CALN1: variants seen among roughly 807,000 people sequenced by gnomAD.
CALN1 encodes calneuron 1, also known as calcium-binding protein 8.
In CALN1, 17 loss-of-function variants were observed where a neutral mutation model predicts 30.6. That is an observed-to-expected ratio of 0.56 (90% CI 0.38 to 0.83). CALN1 has a LOEUF of 0.83. CALN1 is among the 40% of genes least tolerant of loss of function. CALN1 has a pLI of 0.00. For missense variants in CALN1, 291 were observed against 354.9 expected, an observed-to-expected ratio of 0.82 and a Z score of 1.45; for synonymous variants, 156 against 131.4, an observed-to-expected ratio of 1.19 and a Z score of -1.28.
chr7:72,128,055 T>C (rs1036864553), intron 3 of CALN1, among the ~76,000 whole-genome samples: 1 of 152,178 alleles, frequency 6.6e-6, no homozygotes, highest in African/African-American at 2.4e-5. Context: ...TCTTTGGGTA[T>C]GTTTGACAAT....
intron 3 of CALN1, among the ~76,000 whole-genome samples, chr7:72,265,528 T>C (rs1422764376): frequency 1.3e-5 from 2 of 152,134 alleles, no homozygotes; most frequent in African/African-American, 2.4e-5. Context: ...ACTCAACAGG[T>C]TAACTCATTT....
chr7:72,470,361 T>C, the CALN1 span, among the ~76,000 whole-genome samples: 4 of 152,014 alleles, frequency 2.6e-5, no homozygotes, highest in African/African-American at 4.8e-5. Flanking sequence ...CTGGGCAAGA[T>C]AGCAAGACCC....
intron 6 of CALN1, among the ~76,000 whole-genome samples, chr7:71,803,743 G>GGA: frequency 6.6e-6 from 1 of 152,064 alleles, no homozygotes; most frequent in Non-Finnish European, 1.5e-5. Context: ...CCAAAGTGCT[G>GGA]GGTTCCTGCC....
chr7:72,364,959 C>G (rs1041672069), intron 2 of CALN1, among the ~76,000 whole-genome samples: 5 of 151,366 alleles, frequency 3.3e-5, no homozygotes, highest in Non-Finnish European at 7.4e-5. Context: ...CACCTGAGGT[C>G]AGGAGTTTGG....
intron 5 of CALN1, among the ~76,000 whole-genome samples, chr7:71,813,633 T>C (rs1788090091): frequency 6.6e-6 from 1 of 152,012 alleles, no homozygotes; most frequent in Non-Finnish European, 1.5e-5. Flanking sequence ...GTTCCAAACT[T>C]TAAAAGATCT....
At chr7:72,253,817 T>C (rs1052042363) in intron 3 of CALN1, among the ~76,000 whole-genome samples, 2 of 152,204 alleles carry the variant, frequency 1.3e-5, no homozygotes, top group Non-Finnish European at 2.9e-5. Flanking sequence ...CCCAGCTCAC[T>C]GCAACCTCCG....
chr7:72,220,997 T>TG (rs35699877), intron 3 of CALN1, among the ~76,000 whole-genome samples: 30,015 of 152,088 alleles, frequency 0.2, 3,849 homozygotes, highest in Middle Eastern at 0.33. Flanking sequence ...GTAGGTTGCC[T>TG]GTTCACTCTG....
At chr7:71,963,911 C>T (rs1288405639) in intron 5 of CALN1, among the ~76,000 whole-genome samples, 1 of 152,134 alleles carries the variant, frequency 6.6e-6, no homozygotes, top group African/African-American at 2.4e-5. Context: ...GGATTAGGAC[C>T]TATGAAGTTT....
Position 72,106,151 on chromosome 7 carries a change from C to G in CALN1, c.388G>C (p.Gly130Arg). The change falls in exon 4 of 7, where the codon GGG becomes CGG. Residue 130 changes from glycine to arginine, a missense_variant and splice_region_variant. Around this residue, in one of 2 missense-constraint regions of CALN1, gnomAD observed 169 missense variants for 251.7 expected, o/e 0.67. Coordinates refer to ENST00000395275, the MANE Select transcript of CALN1 (RefSeq NM_031468.4). Reference sequence around the variant, plus strand: ...GAGAAGCTGCTTGTCCGGGTCTTACCGTCCATGTCCAAGCGCTGCATGATG... The same window carrying G: ...GAGAAGCTGCTTGTCCGGGTCTTACGGTCCATGTCCAAGCGCTGCATGATG... The part of the protein sequence containing the change: ...AIIMQRLDMD[G>R]DGQVDFDEFM... 1 of 1,613,318 alleles carries G rather than the reference C, an allele frequency of 6.2e-7. No homozygotes were observed. The highest frequency in any genetic ancestry group is 8.5e-7 in the Non-Finnish European group (1 of 1,179,646).
chr7:71,801,102 T>G (rs144803662), intron 6 of CALN1, among the ~76,000 whole-genome samples: 38 of 152,346 alleles, frequency 2.5e-4, no homozygotes, highest in Middle Eastern at 3.4e-3. Flanking sequence ...CTGAGGATAA[T>G]GGCTTCCAGC....
intron 5 of CALN1, among the ~76,000 whole-genome samples, chr7:71,896,411 G>A (rs549596643): frequency 1.4e-4 from 21 of 152,068 alleles, no homozygotes; most frequent in African/African-American, 4.6e-4. Context: ...TAAAAGATTA[G>A]GTTTCCCAAA....
At chr7:72,307,117 T>C (rs1478304343) in intron 2 of CALN1, among the ~76,000 whole-genome samples, 1 of 152,206 alleles carries the variant, frequency 6.6e-6, no homozygotes, top group Non-Finnish European at 1.5e-5. Flanking sequence ...TTTTGTAATT[T>C]TTTTTAAACT....
intron 4 of CALN1, among the ~76,000 whole-genome samples, chr7:72,090,629 G>A (rs1207613766): frequency 2.6e-5 from 4 of 152,106 alleles, no homozygotes; most frequent in Non-Finnish European, 4.4e-5. Context: ...CTGCACTTTC[G>A]TGTTTACAAC....
At chr7:71,825,384 T>G (rs889878000) in intron 5 of CALN1, among the ~76,000 whole-genome samples, 2 of 152,256 alleles carry the variant, frequency 1.3e-5, no homozygotes, top group South Asian at 2.1e-4. Context: ...TTTATAAGGG[T>G]TTCCCCCTTT....
intron 2 of CALN1, among the ~76,000 whole-genome samples, chr7:72,299,888 TTTGTTTTTTTGTTTG>T (rs967084914): frequency 2.0e-5 from 3 of 151,786 alleles, no homozygotes; most frequent in African/African-American, 7.3e-5. Flanking sequence ...TTTGTTTTGT[TTTGTTTTTTTGTTTG>T]TTGTTTTTTT....
chr7:72,360,082 C>T (rs944215336), intron 2 of CALN1, among the ~76,000 whole-genome samples: 7 of 151,502 alleles, frequency 4.6e-5, no homozygotes, highest in African/African-American at 7.3e-5. Flanking sequence ...GACCTGGCAG[C>T]GAAATAGAAT....
At chr7:71,939,553 A>G (rs1796016427) in intron 5 of CALN1, among the ~76,000 whole-genome samples, 1 of 150,848 alleles carries the variant, frequency 6.6e-6, no homozygotes, top group Admixed American at 6.7e-5. Context: ...AGCCTGGGTT[A>G]TAGAGCAAGA....
At chr7:72,203,686 G>A (rs1322042072) in intron 3 of CALN1, among the ~76,000 whole-genome samples, 2 of 152,130 alleles carry the variant, frequency 1.3e-5, no homozygotes, top group African/African-American at 4.8e-5. Flanking sequence ...GTACACTGCT[G>A]GATGCTGTAC....
intron 2 of CALN1, among the ~76,000 whole-genome samples, chr7:72,315,837 A>C (rs1239646848): frequency 1.3e-5 from 2 of 152,176 alleles, no homozygotes; most frequent in African/African-American, 2.4e-5. Context: ...CAAATTGTGG[A>C]CCTGATAATT....
Sources: allele counts gnomAD v4.1 joint callset (sites outside exome capture counted in the v4.1 genomes callset), GRCh38; gene constraint gnomAD v4.1.1; regional missense constraint gnomAD v4.1.1; transcripts MANE v1.5; gene names NCBI Gene and HGNC (gene_info 2026-07-23, HGNC 2026-07-21).